The following LRIG2 variants were observed in gnomAD, a reference collection of about 807,000 sequenced individuals.
LRIG2 encodes the protein leucine-rich repeats and immunoglobulin-like domains protein 2.
In LRIG2, 93 loss-of-function variants were observed where a neutral mutation model predicts 107.8. That is an observed-to-expected ratio of 0.86 (90% CI 0.73 to 1.03). The LOEUF (loss-of-function observed/expected upper bound fraction) is 1.03. LRIG2 is among the 50% of genes least tolerant of loss of function. LRIG2 has a pLI of 0.00. For synonymous variants in LRIG2, 471 were observed against 470.6 expected (o/e 1.00, Z -0.01); for missense variants, 1,226 against 1,296.0 (o/e 0.95, Z 0.83).
In LRIG2 at chr1:113,099,244, C is replaced by CTTT. The variant is rs984786053; in HGVS notation, c.1172+468_1172+470dup. 6.8e-5 allele frequency among the ~76,000 whole-genome samples: 8 copies of CTTT among 117,944 alleles called. No individual in the cohort carries two copies. The East Asian group carries it at 7.5e-4, about 11-fold the overall frequency. The allele number at this position is 117,944 out of a possible 152,430, so 77.4% of individuals were successfully genotyped here. A position where few individuals can be genotyped will look rare whatever the true frequency, so the allele number is the denominator to read the frequency against. On this transcript the variant is annotated intron_variant, in intron 9 of 17. Coordinates refer to ENST00000361127, the MANE Select transcript of LRIG2 (RefSeq NM_014813.3). Reference sequence around the variant, plus strand: ...GCCACTGAACTTGGCTGGTTTTTTTCTTTTTTTTTTTGAGACAGGGTCTTG... The same window carrying CTTT: ...GCCACTGAACTTGGCTGGTTTTTTTCTTTTTTTTTTTTTTGAGACAGGGTCTTG...
intron 1 of LRIG2, among the ~76,000 whole-genome samples, chr1:113,086,878 T>C (rs1391086294): frequency 6.6e-6 from 1 of 152,138 alleles, no homozygotes; most frequent in African/African-American, 2.4e-5. Context: ...ATATTAGTGG[T>C]GTTAGAAAAT....
At chr1:113,108,455 C>G (rs552327949) in intron 12 of LRIG2, among the ~76,000 whole-genome samples, 1 of 151,726 alleles carries the variant, frequency 6.6e-6, no homozygotes, top group East Asian at 2.0e-4. Context: ...AACTCCTGAC[C>G]TCAGGTGATC....
In LRIG2 at chr1:113,123,790, A is replaced by C. The variant is rs1052199767; in HGVS notation, c.2972-85A>C. On this transcript the variant is annotated intron_variant, in intron 17 of 17. Transcript: ENST00000361127. ...TCAGTGTCCCTATTCAGGAATATTG[A>C]ACATCTTTATTTCTTTGAGGATTTG... is the stretch of plus-strand genomic sequence containing the variant. 1.2e-5 allele frequency: 12 copies of C among 992,320 alleles called. No individual in the cohort carries two copies. In the African/African-American group the frequency reaches 1.8e-4, roughly 15 times the overall value. The allele number at this position is 992,320 out of a possible 1,614,324, so 61.5% of individuals were successfully genotyped here. A position where few individuals can be genotyped will look rare whatever the true frequency, so the allele number is the denominator to read the frequency against.
At chr1:113,090,937 T>C (rs1221903755) in intron 1 of LRIG2, among the ~76,000 whole-genome samples, 4 of 151,478 alleles carry the variant, frequency 2.6e-5, no homozygotes, top group Admixed American at 6.6e-5. Flanking sequence ...CTGCAACCTC[T>C]GCCTCCCGGG....
intron 11 of LRIG2, among the ~76,000 whole-genome samples, chr1:113,105,548 A>T (rs1218553596): frequency 6.6e-6 from 1 of 152,198 alleles, no homozygotes; most frequent in Non-Finnish European, 1.5e-5. Context: ...ATTTTAATAA[A>T]TGTTGACCTA....
intron 17 of LRIG2, among the ~76,000 whole-genome samples, chr1:113,120,701 G>T (rs1655211685): frequency 6.6e-6 from 1 of 151,268 alleles, no homozygotes; most frequent in Admixed American, 6.6e-5. Context: ...GTAGAGATGG[G>T]GTTTCTCCAT....
At chr1:113,106,028 G>A (rs1654524618) in intron 11 of LRIG2, among the ~76,000 whole-genome samples, 1 of 152,266 alleles carries the variant, frequency 6.6e-6, no homozygotes, top group Admixed American at 6.5e-5. Flanking sequence ...AAGAGATCAA[G>A]ACCATCCTGG....
chr1:113,094,670 T>A lies in LRIG2; in HGVS notation c.718T>A (p.Ser240Thr), dbSNP rs1653970763. 1 of 1,613,874 alleles carries A rather than the reference T, an allele frequency of 6.2e-7. No homozygotes were observed. The highest frequency in any genetic ancestry group is 1.1e-5 in the South Asian group (1 of 91,080). The change falls in exon 6 of 18, where the codon TCC (serine) becomes ACC (threonine). Residue 240 changes from serine (S) to threonine (T), a missense_variant. This residue lies in a region of LRIG2 where 570 missense variants were observed against 550.2 expected (regional missense o/e 1.04). Coordinates refer to ENST00000361127, the MANE Select transcript of LRIG2 (RefSeq NM_014813.3). ...VEGLTFQGLDSLRSLKMQRNG... is the reference protein window; with the variant it reads ...VEGLTFQGLDTLRSLKMQRNG... ...AGGTCTTACATTCCAAGGGCTTGAC[T>A]CCTTAAGATCTTTGAAAATGCAGCG...
rs995568786 is a variant in LRIG2, at chr1:113,128,512, A to G, written c.*4411A>G. On this transcript the variant is annotated 3_prime_UTR_variant, in exon 18 of 18. Coordinates refer to ENST00000361127, the MANE Select transcript of LRIG2 (RefSeq NM_014813.3). ...CCTTTCCAGCTGTAACATTCTATGA[A>G]TCTGTAATTCCCTCGAGGAGCTAAG... 6.6e-6 allele frequency: 1 copy of G among 152,178 alleles called. No individual in the cohort carries two copies. Among genetic ancestry groups the G allele is most frequent in the Non-Finnish European group, 1.5e-5 (1 of 68,032 alleles). The allele number at this position is 152,178 out of a possible 1,614,324, so 9.4% of individuals were successfully genotyped here.
chr1:113,073,272 G>A lies in LRIG2; in HGVS notation c.-135G>A, dbSNP rs975331386. On this transcript the variant is annotated 5_prime_UTR_variant, in exon 1 of 18. The change abolishes an upstream ATG in the 5' untranslated region. Transcript: ENST00000361127. ...GTCGCGCTGCGTCTGCTCCTTGCAT[G>A]CCTTTAGATGGTACAGCCTTCAGCC... is the stretch of plus-strand genomic sequence containing the variant. 1.4e-6 allele frequency: 1 copy of A among 737,398 alleles called. No homozygotes were observed. Among genetic ancestry groups the A allele is most frequent in the Non-Finnish European group, 2.3e-6 (1 of 429,440 alleles). 45.7% of individuals were successfully genotyped at this position (737,398 alleles called of 1,614,324 possible). A position where few individuals can be genotyped will look rare whatever the true frequency, so the allele number is the denominator to read the frequency against.
chr1:113,090,752 G>T (rs1388065853), intron 1 of LRIG2, among the ~76,000 whole-genome samples: 20 of 151,632 alleles, frequency 1.3e-4, no homozygotes, highest in Non-Finnish European at 2.5e-4. Context: ...GCAGGAGAAT[G>T]GCGTGAACCC....
At chr1:113,120,264 A>T (rs1655186386) in intron 17 of LRIG2, among the ~76,000 whole-genome samples, 1 of 151,738 alleles carries the variant, frequency 6.6e-6, no homozygotes. Context: ...AGCCTGGCCA[A>T]CATAGGGAAA....
chr1:113,102,201 C>T (rs1055430611), intron 11 of LRIG2, among the ~76,000 whole-genome samples: 1 of 152,016 alleles, frequency 6.6e-6, no homozygotes, highest in African/African-American at 2.4e-5. Context: ...TAAATATCTA[C>T]AATTTTTTTG....
At chr1:113,106,873 T>A (rs1654561599) in intron 11 of LRIG2, among the ~76,000 whole-genome samples, 1 of 152,188 alleles carries the variant, frequency 6.6e-6, no homozygotes, top group Non-Finnish European at 1.5e-5. Context: ...ACAACAAAGA[T>A]CTCTCAATGC....
chr1:113,091,348 G>C lies in LRIG2; in HGVS notation c.270G>C (p.Trp90Cys). 1 of 1,605,622 alleles carries C rather than the reference G, an allele frequency of 6.2e-7. No homozygotes were observed. The highest frequency in any genetic ancestry group is 1.3e-5 in the African/African-American group (1 of 74,716). The change falls in exon 2 of 18, where the codon TGG becomes TGC. Residue 90 changes from tryptophan to cysteine, a missense_variant. By Grantham distance (215) the Trp-to-Cys change is radical (BLOSUM62 -2). Around this residue, in one of 3 missense-constraint regions of LRIG2, gnomAD observed 570 missense variants for 550.2 expected, o/e 1.04. Transcript: ENST00000361127. ...TCAGTCATAATCGGTTGTCTAACTGGAACATCAGCTTGGAATCACAAACAT... is the reference window on the plus strand; with the variant it reads ...TCAGTCATAATCGGTTGTCTAACTGCAACATCAGCTTGGAATCACAAACAT... ...LDFSHNRLSN[W>C]NISLESQTLQ... is the part of the protein sequence containing the mutation.
Position 113,119,306 on chromosome 1 carries a change from C to A in LRIG2, c.2754C>A (p.Tyr918Ter). The A allele has an allele frequency of 6.2e-7, 1 of 1,614,116 alleles. No individual in the cohort carries two copies. The highest frequency in any genetic ancestry group is 8.5e-7 in the Non-Finnish European group (1 of 1,180,016). ...ACATCTACTCCAGGACCCGAGAATA[C>A]TGTCCATACACCTATATTGCTGAGG... ...NANIYSRTRE[Y>*]CPYTYIAEED... Residue 918 changes from tyrosine to a stop codon, truncating the protein, a stop_gained, in exon 17 of 18, where the codon TAC becomes TAA. Transcript: ENST00000361127. LOFTEE classifies it high-confidence loss of function.
intron 1 of LRIG2, among the ~76,000 whole-genome samples, chr1:113,090,549 T>G (rs536207305): frequency 1.3e-5 from 2 of 152,036 alleles, no homozygotes; most frequent in African/African-American, 4.8e-5. Flanking sequence ...ATTAAAAAAA[T>G]TTTTTTGGCT....
rs1340197869 is a variant in LRIG2 at position 113,128,798 on chromosome 1, A to G, written c.*4697A>G. The G allele has an allele frequency of 1.3e-5, 2 of 152,260 alleles. No individual in the cohort carries two copies. Among genetic ancestry groups the G allele is most frequent in the African/African-American group, 4.8e-5 (2 of 41,472 alleles). The allele number at this position is 152,260 out of a possible 1,614,324, so 9.4% of individuals were successfully genotyped here. A position where few individuals can be genotyped will look rare whatever the true frequency, so the allele number is the denominator to read the frequency against. ...TGGTTTTATAGCACACTAGAATATCAGAATGAGTTGACAGGTATACCACAA... is the reference window on the plus strand; with the variant it reads ...TGGTTTTATAGCACACTAGAATATCGGAATGAGTTGACAGGTATACCACAA... On this transcript the variant is annotated 3_prime_UTR_variant, in exon 18 of 18. Coordinates refer to ENST00000361127, the MANE Select transcript of LRIG2 (RefSeq NM_014813.3).
At position 113,073,233 on chromosome 1, in the gene LRIG2, C is replaced by T. The variant is rs1220687713; in HGVS notation, c.-174C>T. ...TGTCCGTCAGGCCGTGTGTCCCAGG[C>T]CGTCGACCCCGCTGTCGCGCTGCGT... On this transcript the variant is annotated 5_prime_UTR_variant, in exon 1 of 18. Transcript: ENST00000361127. 7 of 623,610 alleles carry T rather than the reference C, an allele frequency of 1.1e-5. No homozygotes were observed. In the Admixed American group the frequency reaches 1.7e-4, roughly 15 times the overall value. The allele number at this position is 623,610 out of a possible 1,614,324, so 38.6% of individuals were successfully genotyped here.
Sources: allele counts gnomAD v4.1 joint callset (sites outside exome capture counted in the v4.1 genomes callset), GRCh38; gene constraint gnomAD v4.1.1; regional missense constraint gnomAD v4.1.1; transcripts MANE v1.5; gene names NCBI Gene and HGNC (gene_info 2026-07-23, HGNC 2026-07-21).